PDE3B: variants seen among roughly 807,000 people sequenced by gnomAD.
PDE3B encodes cGMP-inhibited 3',5'-cyclic phosphodiesterase 3B.
A neutral mutation model predicts 116.8 loss-of-function variants in PDE3B; 66 were observed. The ratio of observed to expected loss-of-function variants is 0.56; its 90% CI spans 0.46 to 0.69. The LOEUF (loss-of-function observed/expected upper bound fraction) is 0.69, where lower values mean the gene tolerates loss of function less well. Among genes scored for constraint, PDE3B ranks in the 30% least tolerant of loss-of-function variants. The probability of loss-of-function intolerance (pLI) is 0.00; values close to 1 mark genes in which losing one functional copy is unlikely to be tolerated. For missense variants in PDE3B, 1,384 were observed against 1,368.1 expected (o/e 1.01, Z -0.18); for synonymous variants, 595 against 533.6 (o/e 1.12, Z -1.59).
chr11:14,712,466 GTTTTTTTTTTT>G lies in PDE3B; in HGVS notation c.979-59455_979-59445del, dbSNP rs58004646. On this transcript the variant is annotated intron_variant, in intron 1 of 15. Transcript: ENST00000282096. ...GTAGTTTATTTGGACGTACAAGCTT[GTTTTTTTTTTT>G]TTTTTTTTTTTTTTTGAGATGGAGT... Among the ~76,000 whole-genome samples, 213 of 76,320 alleles carry G rather than the reference GTTTTTTTTTTT, an allele frequency of 2.8e-3. 3 individuals are homozygous for G. The highest frequency in any genetic ancestry group is 0.012 in the African/African-American group (196 of 16,360). 50.1% of individuals were successfully genotyped at this position (76,320 alleles called of 152,430 possible).
intron 1 of PDE3B, among the ~76,000 whole-genome samples, chr11:14,750,814 A>G (rs1290470992): frequency 1.3e-5 from 2 of 152,222 alleles, no homozygotes; most frequent in Non-Finnish European, 2.9e-5. Flanking sequence ...TGGCCCATTA[A>G]CACTGACATA....
chr11:14,712,063 C>A (rs1449056268), intron 1 of PDE3B, among the ~76,000 whole-genome samples: 1 of 152,088 alleles, frequency 6.6e-6, no homozygotes, highest in Non-Finnish European at 1.5e-5. Flanking sequence ...AGTGACTATC[C>A]TGTCTACTTC....
rs1437976955 is a variant in PDE3B at position 14,763,765 on chromosome 11, A to T, written c.979-8172A>T. On this transcript the variant is annotated intron_variant, in intron 1 of 15. Transcript: ENST00000282096. ...ATATGATGATTTGATAAATAAAAAC[A>T]AGGTCTAGGTAGATACTTTCCATTT... Among the ~76,000 whole-genome samples the T allele has an allele frequency of 5.3e-5, 8 of 152,114 alleles. No homozygotes were observed. In the East Asian group the frequency reaches 1.5e-3, roughly 29 times the overall value.
intron 1 of PDE3B, among the ~76,000 whole-genome samples, chr11:14,743,533 G>A (rs1366237034): frequency 6.6e-6 from 1 of 152,160 alleles, no homozygotes; most frequent in African/African-American, 2.4e-5. Flanking sequence ...AGACCACTGG[G>A]CTCCCTGGCT....
intron 4 of PDE3B, 86 bp downstream of exon 4, chr11:14,789,328 C>G (rs537788024): frequency 7.6e-5 from 79 of 1,039,354 alleles, no homozygotes; most frequent in Non-Finnish European, 1.1e-4. Context: ...GTTCTGGAAG[C>G]AGAAAGGAAT....
At chr11:14,667,436 A>C (rs1457095652) in intron 1 of PDE3B, among the ~76,000 whole-genome samples, 2 of 151,056 alleles carry the variant, frequency 1.3e-5, no homozygotes, top group African/African-American at 2.4e-5. Flanking sequence ...AAGTATAATA[A>C]TAATAATAAA....
chr11:14,823,623 C>G (rs559925445), intron 7 of PDE3B, among the ~76,000 whole-genome samples: 14 of 152,204 alleles, frequency 9.2e-5, no homozygotes, highest in Non-Finnish European at 1.9e-4. Flanking sequence ...GTTTTCTGAC[C>G]AGCAGCAGTT....
intron 14 of PDE3B, among the ~76,000 whole-genome samples, chr11:14,863,062 T>C (rs1451222036): frequency 6.6e-6 from 1 of 150,866 alleles, no homozygotes; most frequent in African/African-American, 2.4e-5. Flanking sequence ...CAGGCCCCCA[T>C]GTGTGATATT....
intron 1 of PDE3B, among the ~76,000 whole-genome samples, chr11:14,658,528 G>A (rs927711141): frequency 5.9e-5 from 9 of 152,040 alleles, no homozygotes; most frequent in Non-Finnish European, 1.3e-4. Flanking sequence ...GCTAATTTTT[G>A]TATTTTTAGT....
intron 13 of PDE3B, 145 bp from the exon 14 acceptor site, chr11:14,861,060 C>A: frequency 6.8e-6 from 4 of 584,658 alleles, no homozygotes; most frequent in Non-Finnish European, 9.0e-6. Context: ...ATGGAATAAG[C>A]TGATTTTAAA....
chr11:14,853,011 C>CT (rs1201371669), intron 12 of PDE3B, among the ~76,000 whole-genome samples: 18,940 of 142,722 alleles, frequency 0.13, 1,381 homozygotes, highest in African/African-American at 0.2. Context: ...GTCTCTCTCT[C>CT]TTTTTTTTTT....
chr11:14,658,244 A>T (rs1853774108), intron 1 of PDE3B, among the ~76,000 whole-genome samples: 2 of 152,238 alleles, frequency 1.3e-5, no homozygotes, highest in Non-Finnish European at 2.9e-5. Flanking sequence ...GTTCTTCCTC[A>T]TAGAAGCCAT....
At chr11:14,779,597 C>G (rs138788590) in intron 2 of PDE3B, among the ~76,000 whole-genome samples, 614 of 152,216 alleles carry the variant, frequency 4.0e-3, no homozygotes, top group Non-Finnish European at 7.3e-3. Flanking sequence ...GAAATAAAAT[C>G]CTTTACAGAC....
At chr11:14,736,686 T>C (rs956109474) in intron 1 of PDE3B, among the ~76,000 whole-genome samples, 3 of 152,218 alleles carry the variant, frequency 2.0e-5, no homozygotes, top group Non-Finnish European at 4.4e-5. Flanking sequence ...TATATATTTT[T>C]TTAAGACACT....
intron 1 of PDE3B, among the ~76,000 whole-genome samples, chr11:14,764,554 T>A (rs187148366): frequency 1.6e-3 from 249 of 152,200 alleles, no homozygotes; most frequent in Admixed American, 3.9e-3. Context: ...ATGACAAATA[T>A]AAGATGCTAC....
rs782768895 is a variant in PDE3B, at chr11:14,869,535, T to C, written c.3214T>C (p.Trp1072Arg). Residue 1072 changes from tryptophan (W) to arginine (R), a missense_variant, in exon 16 of 16, where the codon TGG becomes CGG. Trp to Arg is a moderately radical substitution (Grantham distance 101). Coordinates refer to ENST00000282096, the MANE Select transcript of PDE3B (RefSeq NM_000922.4). ...MHHLTENHKIWKEIVEEEEKC... is the reference protein window; with the variant it reads ...MHHLTENHKIRKEIVEEEEKC... ...CCACCTCACTGAAAACCACAAGATA[T>C]GGAAGGAAATCGTAGAGGAAGAAGA... 2 of 1,612,806 alleles carry C rather than the reference T, an allele frequency of 1.2e-6. No homozygotes were observed. The highest frequency in any genetic ancestry group is 2.2e-5 in the East Asian group (1 of 44,788).
At chr11:14,880,172 C>T in the PDE3B span, 1 of 1,612,622 alleles carries the variant, frequency 6.2e-7, no homozygotes, top group Admixed American at 1.7e-5. Flanking sequence ...AAAAGAATCG[C>T]CCACCGTAGC....
At chr11:14,804,147 C>T in intron 5 of PDE3B, 97 bp downstream of exon 5, 1 of 685,354 alleles carries the variant, frequency 1.5e-6, no homozygotes, top group South Asian at 1.8e-5. Flanking sequence ...ATTTTGAATA[C>T]AATTTCATGT....
At chr11:14,864,220 A>T (rs1848002403) in intron 14 of PDE3B, among the ~76,000 whole-genome samples, 1 of 152,218 alleles carries the variant, frequency 6.6e-6, no homozygotes, top group South Asian at 2.1e-4. Flanking sequence ...GGCATTAAAT[A>T]ATGGTAAAGA....
Sources: gnomAD v4.1 joint callset for allele counts (sites outside exome capture counted in the v4.1 genomes callset) on GRCh38, gnomAD v4.1.1 for gene constraint, MANE v1.5 for transcripts, NCBI Gene and HGNC (gene_info 2026-07-23, HGNC 2026-07-21) for gene names.